The following DOCK9 variants were observed in gnomAD, a reference collection of about 807,000 sequenced individuals.
The protein encoded by DOCK9 is dedicator of cytokinesis 9, also known as dedicator of cytokinesis protein 9.
In DOCK9, 89 loss-of-function variants were observed where a neutral mutation model predicts 263.3. That is an observed-to-expected ratio of 0.34 (90% CI 0.28 to 0.40). The LOEUF is 0.40. Ranked by LOEUF, DOCK9 falls within the 10% of genes least tolerant of loss-of-function variation. The probability of loss-of-function intolerance (pLI) is 1.00; values close to 1 mark genes in which losing one functional copy is unlikely to be tolerated. For missense variants in DOCK9, 2,140 were observed against 2,603.4 expected, an observed-to-expected ratio of 0.82 and a Z score of 3.87; for synonymous variants, 976 against 973.1, an observed-to-expected ratio of 1.00 and a Z score of -0.06.
intron 1 of DOCK9, among the ~76,000 whole-genome samples, chr13:99,045,056 T>G (rs978296712): frequency 6.6e-6 from 1 of 152,212 alleles, no homozygotes; most frequent in Non-Finnish European, 1.5e-5. Flanking sequence ...ATGCTGTTTG[T>G]GGGACTGTAA....
At chr13:98,913,755 A>G (rs1190280102) in intron 9 of DOCK9, among the ~76,000 whole-genome samples, 1 of 152,236 alleles carries the variant, frequency 6.6e-6, no homozygotes, top group Non-Finnish European at 1.5e-5. Flanking sequence ...AAAAGGCAAC[A>G]TCATAATAGA....
At chr13:98,902,146 C>T in intron 12 of DOCK9, 142 bp downstream of exon 12, 2 of 1,032,582 alleles carry the variant, frequency 1.9e-6, no homozygotes, top group Admixed American at 2.9e-5. Flanking sequence ...CTTGCTTTTA[C>T]TGTCTAATAA....
At chr13:98,999,597 A>C (rs910810804) in intron 1 of DOCK9, among the ~76,000 whole-genome samples, 17 of 149,618 alleles carry the variant, frequency 1.1e-4, no homozygotes, top group African/African-American at 3.7e-4. Context: ...CTTTCTTTTC[A>C]TGTTTCTTTT....
At chr13:99,066,609 C>T (rs1226079233) in intron 1 of DOCK9, among the ~76,000 whole-genome samples, 1 of 152,146 alleles carries the variant, frequency 6.6e-6, no homozygotes, top group African/African-American at 2.4e-5. Context: ...GATCCAACTC[C>T]TTGCATATTT....
intron 34 of DOCK9, among the ~76,000 whole-genome samples, chr13:98,855,128 G>C (rs71437978): frequency 6.6e-6 from 1 of 152,214 alleles, no homozygotes; most frequent in East Asian, 1.9e-4. Context: ...GTATGAGGAG[G>C]AAGTGTTGTG....
chr13:98,886,537 C>A lies in DOCK9; in HGVS notation c.2131G>T (p.Asp711Tyr). ...LHHHQNPEFY[D>Y]EIKIELPTQL... The stretch of plus-strand genomic sequence containing the variant: ...CCCTTAAAAACATCACTTACCTCAT[C>A]ATAAAATTCTGGGTTTTGGTGATGG... The change falls in exon 19 of 53, where the codon GAT becomes TAT. Residue 711 changes from aspartate to tyrosine, a missense_variant. By Grantham distance (160) the Asp-to-Tyr change is radical (BLOSUM62 -3). Coordinates refer to ENST00000682017, the MANE Select transcript of DOCK9 (RefSeq NM_001366683.2). The A allele has an allele frequency of 6.2e-7, 1 of 1,613,658 alleles. No individual in the cohort carries two copies. The highest frequency in any genetic ancestry group is 8.5e-7 in the Non-Finnish European group (1 of 1,179,658).
intron 1 of DOCK9, among the ~76,000 whole-genome samples, chr13:98,965,852 C>A (rs915822701): frequency 2.5e-4 from 38 of 152,170 alleles, no homozygotes; most frequent in African/African-American, 8.7e-4. Flanking sequence ...TAAGAACAGA[C>A]TAACACCAAC....
intron 1 of DOCK9, among the ~76,000 whole-genome samples, chr13:99,013,865 C>T (rs940824089): frequency 6.6e-6 from 1 of 152,182 alleles, no homozygotes; most frequent in African/African-American, 2.4e-5. Flanking sequence ...CAGAGGGCCA[C>T]TCTGCTGCGT....
intron 1 of DOCK9, among the ~76,000 whole-genome samples, chr13:98,998,223 C>A (rs1297691119): frequency 6.6e-6 from 1 of 152,110 alleles, no homozygotes; most frequent in Admixed American, 6.5e-5. Flanking sequence ...CCAGACAGGG[C>A]AGCAAGGTCC....
At chr13:98,810,531 G>C (rs2140253615) in intron 45 of DOCK9, among the ~76,000 whole-genome samples, 1 of 152,238 alleles carries the variant, frequency 6.6e-6, no homozygotes. Context: ...AAACGAAAAA[G>C]GATCACCCTG....
chr13:98,808,715 G>A, intron 47 of DOCK9: 1 of 1,353,302 alleles, frequency 7.4e-7, no homozygotes, highest in Non-Finnish European at 1.0e-6. Flanking sequence ...TAAATTGAAG[G>A]TTATATAATG....
At chr13:98,892,713 T>TA (rs2046806009) in intron 15 of DOCK9, among the ~76,000 whole-genome samples, 1 of 152,180 alleles carries the variant, frequency 6.6e-6, no homozygotes, top group Non-Finnish European at 1.5e-5. Context: ...GTAAGCTACT[T>TA]ACGGCATATG....
At chr13:98,822,681 A>AAACG (rs972151840) in intron 45 of DOCK9, among the ~76,000 whole-genome samples, 4 of 152,046 alleles carry the variant, frequency 2.6e-5, no homozygotes, top group Non-Finnish European at 4.4e-5. Context: ...ACAAACAAAC[A>AAACG]AACAAACAAA....
intron 25 of DOCK9, 107 bp downstream of exon 25, chr13:98,881,451 C>T (rs1209159022): frequency 4.7e-5 from 41 of 865,190 alleles, no homozygotes; most frequent in South Asian, 1.4e-4. Flanking sequence ...AGAAAGCATA[C>T]GTTACAAGCA....
chr13:98,969,286 T>C (rs2059492911), intron 1 of DOCK9, among the ~76,000 whole-genome samples: 1 of 152,200 alleles, frequency 6.6e-6, no homozygotes, highest in Non-Finnish European at 1.5e-5. Context: ...CCCTTTCTAC[T>C]TTTTGGCAAT....
At chr13:98,966,006 G>T (rs1288604993) in intron 1 of DOCK9, among the ~76,000 whole-genome samples, 1 of 152,152 alleles carries the variant, frequency 6.6e-6, no homozygotes, top group Non-Finnish European at 1.5e-5. Context: ...ATAGGTAAGA[G>T]GAACATGATA....
At chr13:98,843,357 C>T (rs1223988132) in intron 38 of DOCK9, among the ~76,000 whole-genome samples, 1 of 152,008 alleles carries the variant, frequency 6.6e-6, no homozygotes, top group Non-Finnish European at 1.5e-5. Flanking sequence ...CAAACATGTA[C>T]ATATATATAA....
At chr13:98,974,150 G>C (rs371971464) in intron 1 of DOCK9, among the ~76,000 whole-genome samples, 43 of 151,958 alleles carry the variant, frequency 2.8e-4, no homozygotes, top group Non-Finnish European at 1.9e-4. Context: ...CAGGAATTAC[G>C]TTAGAGTTTT....
rs1464880898 is a variant in DOCK9 at position 98,811,510 on chromosome 13, T to G, written c.5131-1219A>C. 4.6e-5 allele frequency among the ~76,000 whole-genome samples: 7 copies of G among 152,174 alleles called. No homozygotes were observed. The East Asian group carries it at 1.3e-3, about 29-fold the overall frequency. Reference sequence around the variant, plus strand: ...TAGGCTGGGGTACAGTGGCATGATCTTGGCTCACTGTAACCTCTGTCTCCC... The same window carrying G: ...TAGGCTGGGGTACAGTGGCATGATCGTGGCTCACTGTAACCTCTGTCTCCC... On this transcript the variant is annotated intron_variant, in intron 45 of 52. Transcript: ENST00000682017.
Sources: allele counts gnomAD v4.1 joint callset (sites outside exome capture counted in the v4.1 genomes callset), GRCh38; gene constraint gnomAD v4.1.1; transcripts MANE v1.5; gene names NCBI Gene and HGNC (gene_info 2026-07-23, HGNC 2026-07-21).